CCDC88C: variants seen among roughly 807,000 people sequenced by gnomAD.
CCDC88C encodes protein Daple.
Under a neutral mutation model 198.8 loss-of-function variants are expected in CCDC88C, and 131 were observed. That is an observed-to-expected ratio of 0.66 (90% confidence interval 0.57 to 0.76). The LOEUF (loss-of-function observed/expected upper bound fraction) is 0.76. CCDC88C is among the 30% of genes least tolerant of loss of function. CCDC88C has a pLI of 0.00. For missense variants in CCDC88C, 2,553 were observed against 2,631.6 expected (o/e 0.97, Z 0.65); for synonymous variants, 1,166 against 1,114.7 (o/e 1.05, Z -0.92).
chr14:91,354,952 GGA>G (rs1394519943), intron 4 of CCDC88C, among the ~76,000 whole-genome samples: 2 of 152,204 alleles, frequency 1.3e-5, no homozygotes, highest in African/African-American at 4.8e-5. Flanking sequence ...GCGTGTGGCA[GGA>G]GAGACAGGTG....
intron 3 of CCDC88C, among the ~76,000 whole-genome samples, chr14:91,370,047 T>C (rs1894719071): frequency 6.6e-6 from 1 of 152,220 alleles, no homozygotes; most frequent in Non-Finnish European, 1.5e-5. Context: ...AAATATTTCC[T>C]TTGAGCTGAC....
At chr14:91,385,892 G>A (rs1885102063) in intron 3 of CCDC88C, among the ~76,000 whole-genome samples, 1 of 152,078 alleles carries the variant, frequency 6.6e-6, no homozygotes, top group Non-Finnish European at 1.5e-5. Flanking sequence ...CCACCTCCTA[G>A]GAGAACTGTC....
chr14:91,312,678 G>A lies in CCDC88C; in HGVS notation c.2736+402C>T, dbSNP rs182101705. Among the ~76,000 whole-genome samples, 25 of 152,234 alleles carry A rather than the reference G, an allele frequency of 1.6e-4. 1 individual carries two copies. The East Asian group carries it at 2.9e-3, about 18-fold the overall frequency. ...CCAGCCTGGACGACAGTGAGACTCC[G>A]TCTCAAAAATAAATAAATAAATACA... On this transcript the variant is annotated intron_variant, in intron 15 of 29. Coordinates refer to ENST00000389857, the MANE Select transcript of CCDC88C (RefSeq NM_001080414.4).
Position 91,361,131 on chromosome 14 carries a change from A to G in CCDC88C, c.271-1420T>C, listed in dbSNP as rs75149294. Among the ~76,000 whole-genome samples the G allele has an allele frequency of 1.3e-4, 19 of 143,270 alleles. 1 individual carries two copies. In the East Asian group the frequency reaches 4.0e-3, roughly 30 times the overall value. 94.0% of individuals were successfully genotyped at this position (143,270 alleles called of 152,430 possible). ...GGTGACGAGTAAAACCCTGTCTATA[A>G]AAAAAAAAAAAAAAAATCCAATTTT... is the stretch of plus-strand genomic sequence containing the variant. On this transcript the variant is annotated intron_variant, in intron 3 of 29. Coordinates refer to ENST00000389857, the MANE Select transcript of CCDC88C (RefSeq NM_001080414.4).
intron 3 of CCDC88C, among the ~76,000 whole-genome samples, chr14:91,389,482 T>C (rs1285823): frequency 0.98 from 149,737 of 152,312 alleles, 73,619 homozygotes; most frequent in East Asian, 1. Context: ...TCTAAAAAGC[T>C]TTGCTATCCT....
chr14:91,383,135 T>C (rs1337561953), intron 3 of CCDC88C, among the ~76,000 whole-genome samples: 1 of 152,238 alleles, frequency 6.6e-6, no homozygotes, highest in Non-Finnish European at 1.5e-5. Context: ...TCCAGCTTTC[T>C]TATAGAGCCC....
chr14:91,287,349 C>T (rs555289124), intron 25 of CCDC88C, among the ~76,000 whole-genome samples: 10 of 152,192 alleles, frequency 6.6e-5, no homozygotes, highest in South Asian at 2.1e-4. Context: ...GAACAATGTG[C>T]GTGAACATTA....
Position 91,339,901 on chromosome 14 carries a change from G to A in CCDC88C, c.607C>T (p.Arg203Trp), listed in dbSNP as rs772817846. ...VLHLRRLIDQ[R>W]DECTELIVDL... ...GGACGCACCTCGGTGCACTCGTCCCGCTGGTCGATGAGCCTCCGCAGGTGG... is the reference window on the plus strand; with the variant it reads ...GGACGCACCTCGGTGCACTCGTCCCACTGGTCGATGAGCCTCCGCAGGTGG... The change falls in exon 7 of 30, where the codon CGG becomes TGG. Residue 203 changes from arginine to tryptophan, a missense_variant. By Grantham distance (101) the Arg-to-Trp change is moderately radical (BLOSUM62 -3). Transcript: ENST00000389857. The surrounding 1 kb of genome is among the most constrained non-coding windows in gnomAD (Gnocchi z 5.8). 8 of 1,589,524 alleles carry A rather than the reference G, an allele frequency of 5.0e-6. No homozygotes were observed. The East Asian group carries it at 7.0e-5, about 14-fold the overall frequency.
intron 3 of CCDC88C, chr14:91,379,523 G>T: frequency 2.3e-6 from 1 of 435,418 alleles, no homozygotes; most frequent in Non-Finnish European, 4.2e-6. Flanking sequence ...GCTGTTGCAA[G>T]GTCTTCTACT....
rs565310449 is a variant in CCDC88C, at chr14:91,275,853, G to A, written c.5058+2069C>T. ...TTTTTTTTTTTTGAGACGGAGTTTC[G>A]CTCTGTCGCCCAGGCTGGAGTGCAG... On this transcript the variant is annotated intron_variant, in intron 29 of 29. Transcript: ENST00000389857. Among the ~76,000 whole-genome samples, 626 of 87,722 alleles carry A rather than the reference G, an allele frequency of 7.1e-3. 4 individuals are homozygous for A. Among genetic ancestry groups the A allele is most frequent in the Non-Finnish European group, 0.01 (486 of 48,016 alleles). 57.5% of individuals were successfully genotyped at this position (87,722 alleles called of 152,430 possible). A position where few individuals can be genotyped will look rare whatever the true frequency, so the allele number is the denominator to read the frequency against.
intron 4 of CCDC88C, among the ~76,000 whole-genome samples, chr14:91,356,536 T>A (rs1894046893): frequency 6.6e-6 from 1 of 152,180 alleles, no homozygotes; most frequent in Non-Finnish European, 1.5e-5. Context: ...GGACATTCAA[T>A]TCACCTGTCA....
intron 23 of CCDC88C, 73 bp from the exon 24 acceptor site, chr14:91,291,157 G>C: frequency 1.2e-6 from 1 of 862,756 alleles, no homozygotes; most frequent in Non-Finnish European, 1.9e-6. Context: ...CATCGGCCCA[G>C]CCTGGAACCT....
At position 91,352,975 on chromosome 14, in the gene CCDC88C, C is replaced by G. The variant is rs1436694839; in HGVS notation, c.340+6667G>C. ...GGGCACACCCAGCCCTCACAAGTTC[C>G]CCGGGGCCCCCGAAGGAAGGCAGGG... On this transcript the variant is annotated intron_variant, in intron 4 of 29. Coordinates refer to ENST00000389857, the MANE Select transcript of CCDC88C (RefSeq NM_001080414.4). The surrounding 1 kb of genome is among the most constrained non-coding windows in gnomAD (Gnocchi z 4.2). Among the ~76,000 whole-genome samples the G allele has an allele frequency of 6.6e-6, 1 of 152,222 alleles. No homozygotes were observed. Among genetic ancestry groups the G allele is most frequent in the Non-Finnish European group, 1.5e-5 (1 of 68,028 alleles).
intron 28 of CCDC88C, 135 bp downstream of exon 28, chr14:91,279,103 T>C: frequency 1.4e-6 from 1 of 708,240 alleles, no homozygotes; most frequent in Middle Eastern, 3.4e-4. Flanking sequence ...TTTCGCCATG[T>C]TTCCCAGGCT....
intron 3 of CCDC88C, among the ~76,000 whole-genome samples, chr14:91,366,502 A>G (rs1894549512): frequency 6.6e-6 from 1 of 150,454 alleles, no homozygotes. Flanking sequence ...TAAAAATAAA[A>G]AAAAACAAGA....
intron 23 of CCDC88C, among the ~76,000 whole-genome samples, chr14:91,293,603 CCT>C (rs1491507251): frequency 6.6e-6 from 1 of 151,548 alleles, no homozygotes. Flanking sequence ...CCATGGCCCA[CCT>C]CCTGTGGGCC....
chr14:91,299,802 CA>C, intron 21 of CCDC88C, 124 bp downstream of exon 21: 2 of 1,276,832 alleles, frequency 1.6e-6, no homozygotes, highest in Non-Finnish European at 1.0e-6. Flanking sequence ...CCCAGCTGTT[CA>C]CACAGCAAGG....
chr14:91,353,736 C>T lies in CCDC88C; in HGVS notation c.340+5906G>A, dbSNP rs1016512189. Among the ~76,000 whole-genome samples, 27 of 152,158 alleles carry T rather than the reference C, an allele frequency of 1.8e-4. 1 individual carries two copies. The highest frequency in any genetic ancestry group is 5.6e-4 in the African/African-American group (23 of 41,430). On this transcript the variant is annotated intron_variant, in intron 4 of 29. Transcript: ENST00000389857. The stretch of plus-strand genomic sequence containing the variant: ...GGGTGCTTCCTCTGCTGCTGGAATG[C>T]GCACCCTCTGTAACCATCATAAGAG...
In CCDC88C at chr14:91,273,084, G is replaced by T; in HGVS notation, c.5628C>A (p.Pro1876=). The change falls in exon 30 of 30, where the codon CCC becomes CCA. Residue 1876 remains proline, a synonymous_variant. Coordinates refer to ENST00000389857, the MANE Select transcript of CCDC88C (RefSeq NM_001080414.4). The surrounding 1 kb of genome is among the most constrained non-coding windows in gnomAD (Gnocchi z 5.6). ...GCCTCGTGTCCAGCGGCCGGCTGCG[G>T]GGACCTGGGCCCTGACAGGAGCTGC... is the stretch of plus-strand genomic sequence containing the variant. ...KAGSSCQGPG[P]RSRPLDTRRF... 1.3e-6 allele frequency: 2 copies of T among 1,561,940 alleles called. No individual in the cohort carries two copies. The highest frequency in any genetic ancestry group is 1.7e-6 in the Non-Finnish European group (2 of 1,153,320).
Sources: gnomAD v4.1 joint callset for allele counts (sites outside exome capture counted in the v4.1 genomes callset) on GRCh38, gnomAD v4.1.1 for gene constraint, Gnocchi (gnomAD v3.1) non-coding constraint, MANE v1.5 for transcripts, NCBI Gene and HGNC (gene_info 2026-07-23, HGNC 2026-07-21) for gene names.